Variants in RNF13 observed in about 807,000 individuals in gnomAD.
RNF13 encodes the protein ring finger protein 13.
Under a neutral mutation model 37.7 loss-of-function variants are expected in RNF13, and 19 were observed. That is an observed-to-expected ratio of 0.50 (90% CI 0.35 to 0.74). The LOEUF (loss-of-function observed/expected upper bound fraction) is 0.74, where lower values mean the gene tolerates loss of function less well. Among genes scored for constraint, RNF13 ranks in the 30% least tolerant of loss-of-function variants. The probability of loss-of-function intolerance (pLI) is 0.01; values close to 1 mark genes in which losing one functional copy is unlikely to be tolerated. For missense variants in RNF13, 375 were observed against 453.0 expected (o/e 0.83, Z 1.56); for synonymous variants, 144 against 157.8 (o/e 0.91, Z 0.65).
At chr3:149,960,035 C>G in intron 8 of RNF13, 21 bp from the exon 9 acceptor site, 1 of 1,546,050 alleles carries the variant, frequency 6.5e-7, no homozygotes, top group Non-Finnish European at 8.9e-7. Context: ...AAATAGTTCT[C>G]TACATATTTT....
At chr3:149,934,985 T>TA in intron 8 of RNF13, among the ~76,000 whole-genome samples, 1 of 152,330 alleles carries the variant, frequency 6.6e-6, no homozygotes, top group East Asian at 1.9e-4. Flanking sequence ...AGATACTTGA[T>TA]ACAATTTTGA....
intron 6 of RNF13, among the ~76,000 whole-genome samples, chr3:149,905,086 G>A (rs1188673630): frequency 6.6e-6 from 1 of 152,114 alleles, no homozygotes; most frequent in African/African-American, 2.4e-5. Flanking sequence ...GTGTTTTCAT[G>A]TTTTTGCCAG....
At chr3:149,911,053 T>G (rs1165439315) in intron 6 of RNF13, among the ~76,000 whole-genome samples, 1 of 152,046 alleles carries the variant, frequency 6.6e-6, no homozygotes, top group Non-Finnish European at 1.5e-5. Context: ...TTCAGTCCAG[T>G]GGTGGAGAAG....
intron 7 of RNF13, among the ~76,000 whole-genome samples, chr3:149,912,738 T>G (rs186747051): frequency 4.8e-4 from 73 of 152,240 alleles, no homozygotes; most frequent in African/African-American, 1.8e-3. Flanking sequence ...AGCTTAAGGT[T>G]AAGGGGGAAT....
chr3:149,834,921 T>C (rs1402651311), intron 1 of RNF13, among the ~76,000 whole-genome samples: 1 of 152,226 alleles, frequency 6.6e-6, no homozygotes, highest in Non-Finnish European at 1.5e-5. Context: ...AAAGGCATTG[T>C]ACACAGTCTC....
intron 3 of RNF13, among the ~76,000 whole-genome samples, chr3:149,858,510 C>G (rs1044012250): frequency 8.5e-5 from 13 of 152,170 alleles, no homozygotes; most frequent in African/African-American, 3.1e-4. Flanking sequence ...AAGCTTTGAT[C>G]AGTAAGCCAA....
chr3:149,934,859 C>T (rs1193517942), intron 8 of RNF13, among the ~76,000 whole-genome samples: 1 of 152,164 alleles, frequency 6.6e-6, no homozygotes, highest in Non-Finnish European at 1.5e-5. Context: ...CTCAAGTGAT[C>T]TGCCTGCCTC....
chr3:149,918,693 GTT>G (rs71138423), intron 7 of RNF13, among the ~76,000 whole-genome samples: 174 of 132,348 alleles, frequency 1.3e-3, no homozygotes, highest in African/African-American at 4.4e-3. Context: ...CCAGCTAATT[GTT>G]TTTTTTTTTT....
chr3:149,903,978 TCTACCTAC>T (rs1334850046), intron 6 of RNF13, among the ~76,000 whole-genome samples: 1 of 151,822 alleles, frequency 6.6e-6, no homozygotes, highest in Non-Finnish European at 1.5e-5. Context: ...TGTCTATCTA[TCTACCTAC>T]CTACCTACCT....
chr3:149,814,182 A>G (rs1172362992), intron 1 of RNF13: 1 of 152,220 alleles, frequency 6.6e-6, no homozygotes, highest in African/African-American at 2.4e-5. Flanking sequence ...GTGATGCAGC[A>G]GAAACAGTGA....
intron 8 of RNF13, among the ~76,000 whole-genome samples, chr3:149,955,058 C>T (rs1721729849): frequency 6.6e-6 from 1 of 152,106 alleles, no homozygotes; most frequent in South Asian, 2.1e-4. Flanking sequence ...GTTAAAGCAG[C>T]CAGATCCCTG....
intron 7 of RNF13, among the ~76,000 whole-genome samples, 197 bp downstream of exon 7, chr3:149,912,280 G>C (rs1559946087): frequency 6.6e-6 from 1 of 152,104 alleles, no homozygotes; most frequent in Non-Finnish European, 1.5e-5. Flanking sequence ...TGCCGCGGGG[G>C]GTTAGAGAGA....
intron 8 of RNF13, among the ~76,000 whole-genome samples, chr3:149,931,115 G>A (rs1719121611): frequency 6.6e-6 from 1 of 152,068 alleles, no homozygotes; most frequent in East Asian, 1.9e-4. Flanking sequence ...CCAGGCTGGA[G>A]TGCAGTGGCA....
chr3:149,882,328 G>A (rs1462453468), intron 4 of RNF13, among the ~76,000 whole-genome samples: 1 of 152,066 alleles, frequency 6.6e-6, no homozygotes, highest in Non-Finnish European at 1.5e-5. Flanking sequence ...CAGATACGAG[G>A]AAATTTTATT....
intron 4 of RNF13, among the ~76,000 whole-genome samples, chr3:149,890,251 G>T (rs112180940): frequency 1.1e-3 from 161 of 152,276 alleles, no homozygotes; most frequent in African/African-American, 3.7e-3. Flanking sequence ...CCAAGTCAAT[G>T]TAATCATTAC....
intron 1 of RNF13, among the ~76,000 whole-genome samples, chr3:149,825,691 C>T (rs1720430886): frequency 6.6e-6 from 1 of 152,230 alleles, no homozygotes; most frequent in Non-Finnish European, 1.5e-5. Context: ...CTCAGGCTCT[C>T]TTCCAAGTTT....
chr3:149,943,567 CTTG>C (rs1380432362), intron 8 of RNF13, among the ~76,000 whole-genome samples: 2 of 152,236 alleles, frequency 1.3e-5, no homozygotes, highest in African/African-American at 2.4e-5. Flanking sequence ...AGCGTTTATT[CTTG>C]TTGTTGTACA....
intron 2 of RNF13, among the ~76,000 whole-genome samples, chr3:149,848,627 A>G (rs1722858789): frequency 6.6e-6 from 1 of 152,208 alleles, no homozygotes; most frequent in Admixed American, 6.5e-5. Context: ...CCATTTGCAC[A>G]GGGCTTGGGG....
intron 1 of RNF13, among the ~76,000 whole-genome samples, chr3:149,845,239 TA>T (rs1281392752): frequency 6.6e-6 from 1 of 152,192 alleles, no homozygotes; most frequent in African/African-American, 2.4e-5. Flanking sequence ...TTTAATGAAA[TA>T]ATTCATTATA....
Sources: allele counts gnomAD v4.1 joint callset (sites outside exome capture counted in the v4.1 genomes callset), GRCh38; gene constraint gnomAD v4.1.1; transcripts MANE v1.5; gene names NCBI Gene and HGNC (gene_info 2026-07-23, HGNC 2026-07-21).